Variants in TCF12 observed in about 807,000 individuals in gnomAD.
TCF12 encodes the protein transcription factor 12, also known as DNA-binding protein HTF4.
Under a neutral mutation model 86.0 loss-of-function variants are expected in TCF12, and 45 were observed. The observed-to-expected ratio is 0.52, with a 90% CI of 0.41 to 0.67. The LOEUF (loss-of-function observed/expected upper bound fraction) is 0.67. TCF12 is among the 30% of genes least tolerant of loss of function. The pLI is 0.00. For missense variants in TCF12, 881 were observed against 859.9 expected (o/e 1.02, Z -0.31); for synonymous variants, 330 against 299.6 (o/e 1.10, Z -1.05).
At chr15:57,009,221 A>G (rs1471921081) in intron 3 of TCF12, among the ~76,000 whole-genome samples, 2 of 151,844 alleles carry the variant, frequency 1.3e-5, no homozygotes, top group Non-Finnish European at 2.9e-5. Flanking sequence ...CAGTCCTCCC[A>G]CCTCAGCCTC....
chr15:57,106,741 G>A (rs1289623029), intron 5 of TCF12, among the ~76,000 whole-genome samples: 1 of 152,154 alleles, frequency 6.6e-6, no homozygotes, highest in African/African-American at 2.4e-5. Context: ...ACTTGCACTG[G>A]GTTAAGAAAT....
At chr15:57,104,001 C>G (rs1307780126) in intron 5 of TCF12, among the ~76,000 whole-genome samples, 1 of 152,114 alleles carries the variant, frequency 6.6e-6, no homozygotes, top group African/African-American at 2.4e-5. Flanking sequence ...GAGCAAGACT[C>G]TGTCTCAAAA....
At chr15:57,059,803 C>CAAA (rs10717631) in intron 3 of TCF12, among the ~76,000 whole-genome samples, 1 of 94,232 alleles carries the variant, frequency 1.1e-5, no homozygotes, top group Non-Finnish European at 2.1e-5. Flanking sequence ...CTCCTCCCAC[C>CAAA]AAAAAAAAAA....
chr15:57,085,560 T>C (rs982920458), intron 4 of TCF12, among the ~76,000 whole-genome samples: 1 of 152,192 alleles, frequency 6.6e-6, no homozygotes, highest in Non-Finnish European at 1.5e-5. Flanking sequence ...GTCAACCCAC[T>C]TGACTTTTTC....
At chr15:57,061,242 T>C (rs910476244) in intron 3 of TCF12, among the ~76,000 whole-genome samples, 1 of 152,234 alleles carries the variant, frequency 6.6e-6, no homozygotes, top group Middle Eastern at 3.2e-3. Flanking sequence ...TTGCTTGAGA[T>C]GTTCTCTGTA....
chr15:57,170,341 A>T (rs2055221624), intron 6 of TCF12, among the ~76,000 whole-genome samples: 1 of 150,498 alleles, frequency 6.6e-6, no homozygotes, highest in African/African-American at 2.5e-5. Flanking sequence ...CGCTCACAAG[A>T]CCTCCTGGGC....
intron 3 of TCF12, among the ~76,000 whole-genome samples, chr15:56,994,115 G>C (rs2063582106): frequency 6.6e-6 from 1 of 152,032 alleles, no homozygotes. Context: ...CCACTGGATG[G>C]GTCAATAGCA....
chr15:57,075,814 C>T lies in TCF12; in HGVS notation c.222+11991C>T, dbSNP rs1289226605. Among the ~76,000 whole-genome samples the T allele has an allele frequency of 1.1e-3, 65 of 58,920 alleles. 6 individuals carry two copies. In the East Asian group the frequency reaches 0.026, roughly 24 times the overall value. 38.7% of individuals were successfully genotyped at this position (58,920 alleles called of 152,430 possible). On this transcript the variant is annotated intron_variant, in intron 4 of 20. Transcript: ENST00000333725. The stretch of plus-strand genomic sequence containing the variant: ...TCTTTCTTTCTTTCTTTCTCTCTCT[C>T]TCTCTCTCTCTCTCTCTCTCTTTTC...
chr15:57,208,374 A>T (rs2057942428), intron 8 of TCF12, among the ~76,000 whole-genome samples: 1 of 75,162 alleles, frequency 1.3e-5, no homozygotes, highest in African/African-American at 5.9e-5. Context: ...TTTGGACAAA[A>T]ATATCCTTTT....
intron 5 of TCF12, among the ~76,000 whole-genome samples, chr15:57,150,775 TAATG>T (rs1371326598): frequency 6.6e-6 from 1 of 151,902 alleles, no homozygotes; most frequent in Non-Finnish European, 1.5e-5. Context: ...TAGAGGAAAA[TAATG>T]AATAAGATGT....
intron 8 of TCF12, among the ~76,000 whole-genome samples, chr15:57,219,850 C>T (rs1487955600): frequency 6.6e-6 from 1 of 151,684 alleles, no homozygotes; most frequent in African/African-American, 2.4e-5. Context: ...CTCAGCCTCC[C>T]GAGTAGCTGG....
intron 16 of TCF12, among the ~76,000 whole-genome samples, chr15:57,256,620 G>A (rs34275518): frequency 2.7e-5 from 4 of 149,450 alleles, no homozygotes; most frequent in African/African-American, 9.9e-5. Flanking sequence ...GATTTTTTCC[G>A]GAATTAACAT....
At chr15:57,048,494 C>T (rs1200508612) in intron 3 of TCF12, among the ~76,000 whole-genome samples, 1 of 152,102 alleles carries the variant, frequency 6.6e-6, no homozygotes, top group Non-Finnish European at 1.5e-5. Flanking sequence ...ATCTCCTGAC[C>T]TCATGATCTG....
chr15:57,117,148 G>A lies in TCF12; in HGVS notation c.325+25257G>A, dbSNP rs576289356. ...TCATTTTGAGACAGGGTTTTGCTCT[G>A]CCCACCTCTGCCTCCCAAGGAGCTG... On this transcript the variant is annotated intron_variant, in intron 5 of 20. Coordinates refer to ENST00000333725, the MANE Select transcript of TCF12 (RefSeq NM_207037.2). 2.0e-5 allele frequency among the ~76,000 whole-genome samples: 3 copies of A among 147,642 alleles called. No individual in the cohort carries two copies. The East Asian group carries it at 6.0e-4, about 29-fold the overall frequency.
At chr15:57,243,664 A>G (rs1199267492) in intron 13 of TCF12, 114 bp downstream of exon 13, 2 of 890,470 alleles carry the variant, frequency 2.2e-6, no homozygotes, top group African/African-American at 1.7e-5. Context: ...TTAGATTTTG[A>G]CTATAAGAAA....
intron 13 of TCF12, among the ~76,000 whole-genome samples, chr15:57,250,370 C>T (rs1373781541): frequency 1.3e-5 from 2 of 152,198 alleles, no homozygotes; most frequent in African/African-American, 4.8e-5. Context: ...TACTATATCA[C>T]TGTTCATAAT....
intron 5 of TCF12, among the ~76,000 whole-genome samples, chr15:57,128,090 G>C (rs2051811145): frequency 6.6e-6 from 1 of 152,112 alleles, no homozygotes; most frequent in African/African-American, 2.4e-5. Flanking sequence ...CTGTGCAGTT[G>C]TACATAACTC....
intron 5 of TCF12, among the ~76,000 whole-genome samples, chr15:57,161,821 A>G (rs1482797194): frequency 4.6e-5 from 7 of 152,234 alleles, no homozygotes; most frequent in African/African-American, 1.7e-4. Flanking sequence ...AGATATCTTA[A>G]GCTATTATTT....
chr15:56,998,425 C>T (rs933873377), intron 3 of TCF12, among the ~76,000 whole-genome samples: 4 of 147,602 alleles, frequency 2.7e-5, no homozygotes, highest in Non-Finnish European at 5.9e-5. Flanking sequence ...CCACTGCACT[C>T]CAGCCTTGGT....
Sources: allele counts gnomAD v4.1 joint callset (sites outside exome capture counted in the v4.1 genomes callset), GRCh38; gene constraint gnomAD v4.1.1; transcripts MANE v1.5; gene names NCBI Gene and HGNC (gene_info 2026-07-23, HGNC 2026-07-21).